Variants in SAXO3 observed in about 807,000 individuals in gnomAD.
The protein encoded by SAXO3 is stabilizer of axonemal microtubules 3.
chr19:49,017,975 A>G, the SAXO3 span: 6 of 398,306 alleles, frequency 1.5e-5, no homozygotes, highest in African/African-American at 2.1e-5. Context: ...GGCTCACACC[A>G]GCGCCGGCTT....
the SAXO3 span, chr19:49,018,219 GGGGCGGCCGGGAGGAGCGCGGACA>G: frequency 5.4e-3 from 3,268 of 606,404 alleles, 14 homozygotes; most frequent in Non-Finnish European, 6.2e-3. Context: ...CGCGGTGGTC[GGGGCGGCCGGGAGGAGCGCGGACA>G]GGGCGGCCGC....
the SAXO3 span, chr19:49,019,663 C>G: frequency 8.0e-7 from 1 of 1,257,534 alleles, no homozygotes; most frequent in Non-Finnish European, 1.0e-6. Context: ...AGGACCCCCG[C>G]GGTGGTGGTC....
At chr19:49,019,478 C>T in the SAXO3 span, 1 of 1,231,376 alleles carries the variant, frequency 8.1e-7, no homozygotes, top group Non-Finnish European at 1.0e-6. Context: ...TTTGTAGTCC[C>T]TGGTCCTTCT....
the SAXO3 span, among the ~76,000 whole-genome samples, chr19:49,018,617 C>A: frequency 6.6e-6 from 1 of 152,036 alleles, no homozygotes. Context: ...GAGGCCCTGC[C>A]CTCAGATCCG....
chr19:49,019,796 C>T, the SAXO3 span: 2 of 1,232,996 alleles, frequency 1.6e-6, no homozygotes, highest in East Asian at 3.0e-5. Context: ...AGGCGCCAGC[C>T]GCGGTGTCTG....
At chr19:49,020,416 G>A in the SAXO3 span, 6 of 399,288 alleles carry the variant, frequency 1.5e-5, no homozygotes, top group Non-Finnish European at 2.6e-5. Context: ...GGGATAATGC[G>A]GTGGGAAAAG....
the SAXO3 span, chr19:49,019,494 GGCCTAAT>G: frequency 8.6e-7 from 1 of 1,168,288 alleles, no homozygotes; most frequent in Non-Finnish European, 1.1e-6. Flanking sequence ...CTTCTGGCCT[GGCCTAAT>G]GCCCAGCCCC....
chr19:49,020,028 C>T, the SAXO3 span: 56 of 1,464,380 alleles, frequency 3.8e-5, no homozygotes, highest in Non-Finnish European at 4.8e-5. Flanking sequence ...GAGGTTGTCT[C>T]CCATCTGCTG....
At chr19:49,018,594 T>C in the SAXO3 span, among the ~76,000 whole-genome samples, 662 of 151,916 alleles carry the variant, frequency 4.4e-3, 9 homozygotes, top group African/African-American at 0.015. Context: ...ATCTGGGGGC[T>C]CAAGTACCGA....
At chr19:49,019,797 G>A in the SAXO3 span, 2 of 1,229,144 alleles carry the variant, frequency 1.6e-6, no homozygotes, top group Non-Finnish European at 1.1e-6. Context: ...GGCGCCAGCC[G>A]CGGTGTCTGA....
At chr19:49,019,758 G>T in the SAXO3 span, 1 of 1,204,376 alleles carries the variant, frequency 8.3e-7, no homozygotes, top group East Asian at 3.1e-5. Flanking sequence ...CCCTCGTCTC[G>T]CTGCTCTGGT....
chr19:49,019,129 C>G, the SAXO3 span: 1 of 1,429,556 alleles, frequency 7.0e-7, no homozygotes, highest in Non-Finnish European at 9.1e-7. Flanking sequence ...CCCTCACACC[C>G]CGCCCCAGGG....
chr19:49,019,694 GCCCGAAGTATTCCGGGGCGCGCGGGT>G, the SAXO3 span: 7 of 1,220,322 alleles, frequency 5.7e-6, no homozygotes, highest in Middle Eastern at 2.3e-4. Flanking sequence ...GGGGGCTGGG[GCCCGAAGTATTCCGGGGCGCGCGGGT>G]CCCCGCTGGG....
At chr19:49,018,972 T>G in the SAXO3 span, 98 of 1,533,590 alleles carry the variant, frequency 6.4e-5, 1 homozygote, top group African/African-American at 1.1e-3. Flanking sequence ...GCCAGACAGC[T>G]CGGGGTTCTT....
the SAXO3 span, chr19:49,019,737 A>T: frequency 8.5e-7 from 1 of 1,177,028 alleles, no homozygotes; most frequent in Non-Finnish European, 1.1e-6. Flanking sequence ...TGGGAGAGCC[A>T]GTGTACTGCG....
the SAXO3 span, chr19:49,019,494 G>A: frequency 3.7e-5 from 43 of 1,168,288 alleles, no homozygotes; most frequent in Non-Finnish European, 4.4e-5. Context: ...CTTCTGGCCT[G>A]GCCTAATGCC....
At chr19:49,019,029 C>G in the SAXO3 span, 4 of 1,519,468 alleles carry the variant, frequency 2.6e-6, no homozygotes, top group Non-Finnish European at 3.5e-6. Context: ...GGAGGCATAC[C>G]CAAGACATAG....
chr19:49,019,003 G>A, the SAXO3 span: 2 of 1,531,796 alleles, frequency 1.3e-6, no homozygotes, highest in Non-Finnish European at 1.7e-6. Flanking sequence ...ATTAGAGCCT[G>A]AGCAAGATTG....
the SAXO3 span, among the ~76,000 whole-genome samples, chr19:49,018,611 C>T: frequency 3.7e-3 from 565 of 152,172 alleles, 4 homozygotes; most frequent in African/African-American, 0.013. Context: ...CCGAAGGAGG[C>T]CCTGCCCTCA....
Sources: gnomAD v4.1 joint callset for allele counts (sites outside exome capture counted in the v4.1 genomes callset) on GRCh38, gnomAD v4.1.1 for gene constraint, MANE v1.5 for transcripts, NCBI Gene and HGNC (gene_info 2026-07-23, HGNC 2026-07-21) for gene names.